PPA1: variants seen among roughly 807,000 people sequenced by gnomAD.
PPA1 encodes the protein inorganic pyrophosphatase.
A neutral mutation model predicts 41.8 loss-of-function variants in PPA1; 23 were observed. The ratio of observed to expected loss-of-function variants is 0.55; its 90% CI spans 0.40 to 0.78. PPA1 has a LOEUF of 0.78. Ranked by LOEUF, PPA1 falls within the 30% of genes least tolerant of loss-of-function variation. The pLI is 0.00. For missense variants in PPA1, 320 were observed against 361.6 expected, an observed-to-expected ratio of 0.89 and a Z score of 0.93; for synonymous variants, 101 against 116.8, an observed-to-expected ratio of 0.86 and a Z score of 0.87.
intron 1 of PPA1, among the ~76,000 whole-genome samples, chr10:70,231,550 G>A (rs984685654): frequency 2.0e-5 from 3 of 152,246 alleles, no homozygotes; most frequent in Non-Finnish European, 4.4e-5. Context: ...CTGGGCAACA[G>A]AGCGAGACTT....
rs142423845 is a variant in PPA1, at chr10:70,213,496, T to C, written c.478A>G (p.Asn160Asp). Residue 160 changes from asparagine to aspartate, a missense_variant, in exon 6 of 11, where the codon AAT (asparagine) becomes GAT (aspartate). By Grantham distance (23) the Asn-to-Asp change is conservative (BLOSUM62 1). Coordinates refer to ENST00000373232, the MANE Select transcript of PPA1 (RefSeq NM_021129.4). ...GETDWKVIAI[N>D]VDDPDAANYN... ...TTGGCTGCATCAGGATCATCCACAT[T>C]AATGGCAATGACTTTCCAGTCGGTT... 6.4e-5 allele frequency: 104 copies of C among 1,613,954 alleles called. No homozygotes were observed. The highest frequency in any genetic ancestry group is 1.2e-4 in the Admixed American group (7 of 59,996).
intron 2 of PPA1, among the ~76,000 whole-genome samples, chr10:70,222,767 T>C (rs1204725225): frequency 6.6e-6 from 1 of 152,180 alleles, no homozygotes; most frequent in African/African-American, 2.4e-5. Context: ...TGTTGCATGT[T>C]GGTGTGCTGC....
Position 70,204,919 on chromosome 10 carries a change from A to T in PPA1, c.796-4T>A, listed in dbSNP as rs1839921157. The T allele has an allele frequency of 1.3e-6, 2 of 1,580,070 alleles. No homozygotes were observed. The highest frequency in any genetic ancestry group is 1.7e-5 in the Admixed American group (1 of 58,434). On this transcript the variant is annotated splice_polypyrimidine_tract_variant and splice_region_variant and intron_variant, in intron 9 of 10. Coordinates refer to ENST00000373232, the MANE Select transcript of PPA1 (RefSeq NM_021129.4). ...CAGATTCACAGGGTGGTGGTAACTA[A>T]AATATAAAATATTAAAATCTATTAG...
In PPA1 at chr10:70,209,695, G is replaced by A. The variant is rs1182121283; in HGVS notation, c.512-10C>T. On this transcript the variant is annotated splice_polypyrimidine_tract_variant and intron_variant, in intron 6 of 10. Coordinates refer to ENST00000373232, the MANE Select transcript of PPA1 (RefSeq NM_021129.4). ...TTGACATCATTGATATCTAAGAAGA[G>A]AAGAAGCATAAGATGACAGTGAGAA... 2 of 1,582,314 alleles carry A rather than the reference G, an allele frequency of 1.3e-6. No homozygotes were observed. Among genetic ancestry groups the A allele is most frequent in the African/African-American group, 1.4e-5 (1 of 73,648 alleles).
At chr10:70,214,773 T>C (rs1351822234) in intron 4 of PPA1, among the ~76,000 whole-genome samples, 187 bp from the exon 5 acceptor site, 1 of 152,216 alleles carries the variant, frequency 6.6e-6, no homozygotes, top group Non-Finnish European at 1.5e-5. Flanking sequence ...CTACTACACA[T>C]CTAATGCTAA....
chr10:70,210,430 A>C (rs776786890), intron 6 of PPA1: 3 of 1,364,180 alleles, frequency 2.2e-6, no homozygotes, highest in Non-Finnish European at 2.9e-6. Flanking sequence ...CTAAAAGATA[A>C]GAAAAATAGA....
At chr10:70,214,436 T>A in intron 5 of PPA1, 64 bp downstream of exon 5, 1 of 1,302,734 alleles carries the variant, frequency 7.7e-7, no homozygotes, top group Middle Eastern at 2.6e-4. Flanking sequence ...TTTTTTAAAG[T>A]ATGAAATTTG....
At chr10:70,221,157 T>C (rs1433795655) in intron 2 of PPA1, among the ~76,000 whole-genome samples, 1 of 135,128 alleles carries the variant, frequency 7.4e-6, no homozygotes, top group East Asian at 2.1e-4. Flanking sequence ...GAACTTAACT[T>C]AAAATGAAAA....
intron 3 of PPA1, chr10:70,218,452 G>A: frequency 3.8e-6 from 1 of 265,814 alleles, no homozygotes; most frequent in Admixed American, 5.0e-5. Flanking sequence ...GAGAGTATCT[G>A]TGGCTGGGGT....
chr10:70,215,497 G>A (rs185478506), intron 4 of PPA1, among the ~76,000 whole-genome samples: 19 of 149,998 alleles, frequency 1.3e-4, no homozygotes, highest in East Asian at 7.8e-4. Context: ...CTTTTTTTGC[G>A]ACAGAGTCTT....
intron 9 of PPA1, chr10:70,205,922 C>G (rs185038557): frequency 3.4e-4 from 72 of 210,812 alleles, no homozygotes; most frequent in African/African-American, 1.5e-3. Flanking sequence ...CTTGCTAGAA[C>G]CAAGTCAAGT....
Position 70,220,604 on chromosome 10 carries a change from TATATATATTATATATAATTTA to T in PPA1, c.124-1808_124-1788del, listed in dbSNP as rs1454374268. ...ATAATTATATATTATATATAATTTA[TATATATATTATATATAATTTA>T]TATATATATAATATATATAATTTAT... is the stretch of plus-strand genomic sequence containing the variant. On this transcript the variant is annotated intron_variant, in intron 2 of 10. Coordinates refer to ENST00000373232, the MANE Select transcript of PPA1 (RefSeq NM_021129.4). 5.6e-3 allele frequency among the ~76,000 whole-genome samples: 46 copies of T among 8,262 alleles called. 5 individuals are homozygous for T. The highest frequency in any genetic ancestry group is 0.017 in the African/African-American group (45 of 2,608). 5.4% of individuals were successfully genotyped at this position (8,262 alleles called of 152,430 possible). A position where few individuals can be genotyped will look rare whatever the true frequency, so the allele number is the denominator to read the frequency against.
chr10:70,233,169 T>C (rs1840307865), intron 1 of PPA1, 95 bp downstream of exon 1: 6 of 1,367,144 alleles, frequency 4.4e-6, no homozygotes, highest in South Asian at 2.9e-5. Context: ...GTCGGAGACC[T>C]GGGGCCGAGC....
intron 4 of PPA1, 92 bp downstream of exon 4, chr10:70,217,720 T>G (rs1840094518): frequency 8.5e-7 from 1 of 1,181,684 alleles, no homozygotes; most frequent in African/African-American, 1.6e-5. Flanking sequence ...GAAAAAACTC[T>G]CCACAGGTAT....
At chr10:70,217,502 C>T (rs1840092875) in intron 4 of PPA1, among the ~76,000 whole-genome samples, 1 of 152,132 alleles carries the variant, frequency 6.6e-6, no homozygotes, top group Admixed American at 6.5e-5. Flanking sequence ...ACCATACACT[C>T]TTTCTTGACT....
chr10:70,205,704 C>G (rs919381523), intron 9 of PPA1: 1 of 152,124 alleles, frequency 6.6e-6, no homozygotes, highest in African/African-American at 2.4e-5. Flanking sequence ...ACCTCATTTT[C>G]TTTTGTTTTC....
chr10:70,203,378 G>A (rs1198353656), intron 10 of PPA1, among the ~76,000 whole-genome samples, 192 bp from the exon 11 acceptor site: 2 of 152,006 alleles, frequency 1.3e-5, no homozygotes, highest in African/African-American at 4.8e-5. Flanking sequence ...TACACTTCAT[G>A]CTAATTGCAT....
At chr10:70,233,142 C>G (rs1840307550) in intron 1 of PPA1, 122 bp downstream of exon 1, 3 of 1,153,844 alleles carry the variant, frequency 2.6e-6, no homozygotes, top group South Asian at 3.5e-5. Context: ...ACAACGCGCC[C>G]GAGGAGACGG....
intron 4 of PPA1, 75 bp downstream of exon 4, chr10:70,217,737 C>T (rs1840094634): frequency 2.3e-6 from 3 of 1,309,026 alleles, no homozygotes; most frequent in South Asian, 2.4e-5. Context: ...GTATTCAAAC[C>T]TTTTTTACTA....
Sources: allele counts gnomAD v4.1 joint callset (sites outside exome capture counted in the v4.1 genomes callset), GRCh38; gene constraint gnomAD v4.1.1; transcripts MANE v1.5; gene names NCBI Gene and HGNC (gene_info 2026-07-23, HGNC 2026-07-21).